ADPRS: variants seen among roughly 807,000 people sequenced by gnomAD.
ADPRS encodes ADP-ribosylserine hydrolase, also known as ADP-ribosylhydrolase ARH3.
In ADPRS, 25 loss-of-function variants were observed where a neutral mutation model predicts 32.1. The ratio of observed to expected loss-of-function variants is 0.78; its 90% CI spans 0.57 to 1.09. ADPRS has a LOEUF of 1.09. ADPRS is among the 50% of genes least tolerant of loss of function. The pLI, the probability that ADPRS is intolerant of heterozygous loss-of-function variation, is 0.00. For missense variants in ADPRS, 482 were observed against 480.6 expected, an observed-to-expected ratio of 1.00 and a Z score of -0.03; for synonymous variants, 225 against 201.0, an observed-to-expected ratio of 1.12 and a Z score of -1.01.
intron 1 of ADPRS, 66 bp from the exon 2 acceptor site, chr1:36,091,178 C>CA (rs67749899): frequency 2.1e-6 from 3 of 1,445,562 alleles, no homozygotes; most frequent in Non-Finnish European, 1.9e-6. Context: ...CCAAAAAAAG[C>CA]AAAAAACAAC....
rs77328637 is a variant in ADPRS at position 36,092,328 on chromosome 1, C to T, written c.702-94C>T. 1,269 of 1,325,276 alleles carry T rather than the reference C, an allele frequency of 9.6e-4. 13 individuals are homozygous for T. The East Asian group carries it at 0.029, about 31-fold the overall frequency. The allele number at this position is 1,325,276 out of a possible 1,614,324, so 82.1% of individuals were successfully genotyped here. A position where few individuals can be genotyped will look rare whatever the true frequency, so the allele number is the denominator to read the frequency against. On this transcript the variant is annotated intron_variant, in intron 4 of 5. Transcript: ENST00000373178. ...ACCTGTGCCTGGCTGCCAGCCTGAC[C>T]ACATCCCTGCTCGTTCTCACATGCA...
chr1:36,093,362 G>A lies in ADPRS; in HGVS notation c.1068G>A (p.Leu356=), dbSNP rs1200706368. The stretch of plus-strand genomic sequence containing the variant: ...AGACAGACATCCTGGCCCAAAGCCT[G>A]CACCGTGTCTTCCAGAAGAGTTGAT... ...YEETDILAQS[L]HRVFQKS Residue 356 remains leucine, a synonymous_variant, in exon 6 of 6, where the codon CTG becomes CTA. Coordinates refer to ENST00000373178, the MANE Select transcript of ADPRS (RefSeq NM_017825.3). 2 of 1,613,912 alleles carry A rather than the reference G, an allele frequency of 1.2e-6. No individual in the cohort carries two copies. Among genetic ancestry groups the A allele is most frequent in the South Asian group, 1.1e-5 (1 of 91,072 alleles).
chr1:36,089,255 C>G, intron 1 of ADPRS, 140 bp downstream of exon 1: 2 of 987,090 alleles, frequency 2.0e-6, no homozygotes, highest in Non-Finnish European at 2.8e-6. Context: ...GACCCGCAGA[C>G]AGCTTGAGCT....
chr1:36,091,923 C>T lies in ADPRS; in HGVS notation c.530C>T (p.Ser177Leu), dbSNP rs200626873. 6.9e-6 allele frequency: 11 copies of T among 1,604,870 alleles called. No individual in the cohort carries two copies. Among genetic ancestry groups the T allele is most frequent in the Non-Finnish European group, 8.5e-6 (10 of 1,173,414 alleles). ...CCTCCTCCCTAGTTTGCCCGGCTCT[C>T]GGCCCAGCTGACACACGCCTCCTCC... ...VQDVQKFARL[S>L]AQLTHASSLG... Residue 177 changes from serine (S) to leucine (L), a missense_variant, in exon 4 of 6, where the codon TCG becomes TTG. Transcript: ENST00000373178.
At chr1:36,090,124 T>G (rs1466136116) in intron 1 of ADPRS, among the ~76,000 whole-genome samples, 1 of 152,094 alleles carries the variant, frequency 6.6e-6, no homozygotes, top group Non-Finnish European at 1.5e-5. Flanking sequence ...GGTGGTGTGC[T>G]CCAGAGAAGT....
At position 36,091,401 on chromosome 1, in the gene ADPRS, C is replaced by T; in HGVS notation, c.308+61C>T. On this transcript the variant is annotated intron_variant, in intron 2 of 5. Transcript: ENST00000373178. ...TGGGAAAGTTATTGCACCCCTTGAC[C>T]AGAGGAATGACATTTGTGCATGTCC... 7 of 1,505,128 alleles carry T rather than the reference C, an allele frequency of 4.7e-6. 1 individual carries two copies. In the South Asian group the frequency reaches 8.0e-5, roughly 17 times the overall value. The allele number at this position is 1,505,128 out of a possible 1,614,324, so 93.2% of individuals were successfully genotyped here. A position where few individuals can be genotyped will look rare whatever the true frequency, so the allele number is the denominator to read the frequency against.
chr1:36,091,769 G>T lies in ADPRS; in HGVS notation c.460G>T (p.Ala154Ser). 1 of 1,612,610 alleles carries T rather than the reference G, an allele frequency of 6.2e-7. No homozygotes were observed. Among genetic ancestry groups the T allele is most frequent in the Non-Finnish European group, 8.5e-7 (1 of 1,179,018 alleles). The change falls in exon 3 of 6, where the codon GCC becomes TCC. Residue 154 changes from alanine to serine, a missense_variant. Coordinates refer to ENST00000373178, the MANE Select transcript of ADPRS (RefSeq NM_017825.3). ...NGKGSYGNGG[A>S]MRVAGISLAY... ...GAAAGGCTCCTATGGCAATGGAGGT[G>T]CCATGCGGGTGGCTGGCATCTCCCT...
intron 3 of ADPRS, 39 bp downstream of exon 3, chr1:36,091,864 T>C: frequency 6.3e-7 from 1 of 1,586,730 alleles, no homozygotes; most frequent in Non-Finnish European, 8.6e-7. Context: ...GTCCCCTTCC[T>C]CTTCTGCAGC....
At chr1:36,090,701 A>AAAAG (rs1643468403) in intron 1 of ADPRS, among the ~76,000 whole-genome samples, 2 of 147,790 alleles carry the variant, frequency 1.4e-5, no homozygotes, top group Non-Finnish European at 3.0e-5. Context: ...AAAAAAAAAA[A>AAAAG]AAAAGCCAGG....
intron 5 of ADPRS, 124 bp from the exon 6 acceptor site, chr1:36,092,973 G>C: frequency 2.0e-6 from 2 of 1,002,812 alleles, no homozygotes; most frequent in Admixed American, 2.6e-5. Flanking sequence ...TTTGAGCCCA[G>C]GTGGTCTAAC....
In ADPRS at chr1:36,091,893, G is replaced by A; in HGVS notation, c.517-17G>A. ...CTGCAGCAGGGCTTCTGTGACAGCAGGTCTCCTCCTCCCTAGTTTGCCCGG... is the reference window on the plus strand; with the variant it reads ...CTGCAGCAGGGCTTCTGTGACAGCAAGTCTCCTCCTCCCTAGTTTGCCCGG... On this transcript the variant is annotated splice_polypyrimidine_tract_variant and intron_variant, in intron 3 of 5. Coordinates refer to ENST00000373178, the MANE Select transcript of ADPRS (RefSeq NM_017825.3). The A allele has an allele frequency of 6.3e-7, 1 of 1,594,560 alleles. No homozygotes were observed. Among genetic ancestry groups the A allele is most frequent in the Non-Finnish European group, 8.6e-7 (1 of 1,166,880 alleles).
chr1:36,089,533 ACTGT>A (rs1422175376), intron 1 of ADPRS, among the ~76,000 whole-genome samples: 2 of 152,104 alleles, frequency 1.3e-5, no homozygotes, highest in Admixed American at 6.6e-5. Flanking sequence ...TAAGTCGGGG[ACTGT>A]CTGTCCACCC....
In ADPRS at chr1:36,092,640, G is replaced by A. The variant is rs191262557; in HGVS notation, c.802+118G>A. On this transcript the variant is annotated intron_variant, in intron 5 of 5. Transcript: ENST00000373178. ...ATTGTACCCTGGGCTGCTGTGACAC[G>A]GAGTCAATGGCAGGGTTGAGCTCAG... is the stretch of plus-strand genomic sequence containing the variant. 3.0e-3 allele frequency: 2,625 copies of A among 888,014 alleles called. 3 individuals carry two copies. The highest frequency in any genetic ancestry group is 4.1e-3 in the Non-Finnish European group (2,306 of 561,450). The allele number at this position is 888,014 out of a possible 1,614,324, so 55.0% of individuals were successfully genotyped here. A position where few individuals can be genotyped will look rare whatever the true frequency, so the allele number is the denominator to read the frequency against.
chr1:36,091,753 C>T lies in ADPRS; in HGVS notation c.444C>T (p.Ser148=), dbSNP rs1256572097. The T allele has an allele frequency of 6.2e-7, 1 of 1,613,332 alleles. No homozygotes were observed. The highest frequency in any genetic ancestry group is 1.7e-5 in the Admixed American group (1 of 59,900). The part of the protein sequence containing the change: ...PARAQFNGKG[S]YGNGGAMRVA... ...GGGCCCAGTTTAACGGGAAAGGCTC[C>T]TATGGCAATGGAGGTGCCATGCGGG... Residue 148 remains serine, a synonymous_variant, in exon 3 of 6, where the codon TCC becomes TCT. Transcript: ENST00000373178.
intron 4 of ADPRS, 123 bp from the exon 5 acceptor site, chr1:36,092,299 C>A: frequency 8.5e-7 from 1 of 1,173,678 alleles, no homozygotes; most frequent in Non-Finnish European, 1.2e-6. Context: ...CACCTCTTGT[C>A]GGCACCTGTG....
At position 36,088,966 on chromosome 1, in the gene ADPRS, C is replaced by A; in HGVS notation, c.62C>A (p.Ser21Ter). The A allele has an allele frequency of 6.7e-7, 1 of 1,500,292 alleles. No homozygotes were observed. Among genetic ancestry groups the A allele is most frequent in the Non-Finnish European group, 8.8e-7 (1 of 1,130,398 alleles). The allele number at this position is 1,500,292 out of a possible 1,614,324, so 92.9% of individuals were successfully genotyped here. ...GGGAGAARSL[S>*]RFRGCLAGAL... The stretch of plus-strand genomic sequence containing the variant: ...GGGGCTGGCGCGGCCCGCTCCCTCT[C>A]GCGCTTCCGAGGCTGCCTGGCTGGC... Residue 21 changes from serine (S) to a stop codon, truncating the protein, a stop_gained, in exon 1 of 6, where the codon TCG (serine) becomes TAG (stop). Transcript: ENST00000373178. LOFTEE classifies it high-confidence loss of function.
Position 36,091,807 on chromosome 1 carries a change from T to C in ADPRS, c.498T>C (p.Ser166=). The C allele has an allele frequency of 6.2e-7, 1 of 1,601,052 alleles. No individual in the cohort carries two copies. Among genetic ancestry groups the C allele is most frequent in the Non-Finnish European group, 8.5e-7 (1 of 1,170,876 alleles). The change falls in exon 3 of 6, where the codon AGT becomes AGC. Residue 166 remains serine, a synonymous_variant. Transcript: ENST00000373178. The part of the protein sequence containing the change: ...RVAGISLAYS[S]VQDVQKFARL... ...CTGGCATCTCCCTGGCCTATAGCAG[T>C]GTCCAGGATGTGCAGAAGGTATTCA... is the stretch of plus-strand genomic sequence containing the variant.
chr1:36,093,356 A>G lies in ADPRS; in HGVS notation c.1062A>G (p.Gln354=). 1 of 1,614,080 alleles carries G rather than the reference A, an allele frequency of 6.2e-7. No individual in the cohort carries two copies. The highest frequency in any genetic ancestry group is 8.5e-7 in the Non-Finnish European group (1 of 1,179,932). Residue 354 remains glutamine, a synonymous_variant, in exon 6 of 6, where the codon CAA becomes CAG. Coordinates refer to ENST00000373178, the MANE Select transcript of ADPRS (RefSeq NM_017825.3). ...EGYEETDILA[Q]SLHRVFQKS ...ACGAGGAGACAGACATCCTGGCCCA[A>G]AGCCTGCACCGTGTCTTCCAGAAGA...
chr1:36,093,417 G>A lies in ADPRS; in HGVS notation c.*31G>A, dbSNP rs1194306366. ...GCTACAGCTGTTGGGGCTCTGCCAG[G>A]TCCCCTGGGACCAACTACAGCTCCA... On this transcript the variant is annotated 3_prime_UTR_variant, in exon 6 of 6. Coordinates refer to ENST00000373178, the MANE Select transcript of ADPRS (RefSeq NM_017825.3). 9 of 1,591,828 alleles carry A rather than the reference G, an allele frequency of 5.7e-6. No homozygotes were observed. The highest frequency in any genetic ancestry group is 7.7e-6 in the Non-Finnish European group (9 of 1,166,782).
Sources: gnomAD v4.1 joint callset for allele counts (sites outside exome capture counted in the v4.1 genomes callset) on GRCh38, gnomAD v4.1.1 for gene constraint, MANE v1.5 for transcripts, NCBI Gene and HGNC (gene_info 2026-07-23, HGNC 2026-07-21) for gene names.